The following RAD50 variants were observed in gnomAD, a reference collection of about 807,000 sequenced individuals.
RAD50 encodes the protein RAD50 double strand break repair protein.
In RAD50, 132 loss-of-function variants were observed where a neutral mutation model predicts 168.8. The ratio of observed to expected loss-of-function variants is 0.78; its 90% confidence interval spans 0.68 to 0.90. The LOEUF is 0.90. Ranked by LOEUF, RAD50 falls within the 40% of genes least tolerant of loss-of-function variation. The pLI is 0.00. For missense variants in RAD50, 1,347 were observed against 1,534.4 expected (o/e 0.88, Z 2.04); for synonymous variants, 525 against 497.4 (o/e 1.06, Z -0.74).
At position 132,644,160 on chromosome 5, in the gene RAD50, A is replaced by T. The variant is rs1751801601; in HGVS notation, c.*1796A>T. 2 of 182,410 alleles carry T rather than the reference A, an allele frequency of 1.1e-5. No individual in the cohort carries two copies. The highest frequency in any genetic ancestry group is 3.9e-4 in the South Asian group (2 of 5,102). The allele number at this position is 182,410 out of a possible 1,614,324, so 11.3% of individuals were successfully genotyped here. A position where few individuals can be genotyped will look rare whatever the true frequency, so the allele number is the denominator to read the frequency against. ...TCAATATAGGCAGTGAAACAAAAGT[A>T]TCATTTGCAAGTTAAAACAGACTTC... is the stretch of plus-strand genomic sequence containing the variant. On this transcript the variant is annotated 3_prime_UTR_variant, in exon 25 of 25. Coordinates refer to ENST00000378823, the MANE Select transcript of RAD50 (RefSeq NM_005732.4).
chr5:132,588,758 G>T lies in RAD50; in HGVS notation c.1123G>T (p.Ala375Ser), dbSNP rs1338084339. Residue 375 changes from alanine to serine, a missense_variant, in exon 8 of 25, where the codon GCA (alanine) becomes TCA (serine). Ala to Ser is a moderately conservative substitution (Grantham distance 99). Around this residue, in one of 3 missense-constraint regions of RAD50, gnomAD observed 703 missense variants for 767.7 expected, o/e 0.92. Coordinates refer to ENST00000378823, the MANE Select transcript of RAD50 (RefSeq NM_005732.4). ...TAGAGATTCATTAATTCAGTCTTTGGCAACACAGCTAGAATTGGATGGCTT... is the reference window on the plus strand; with the variant it reads ...TAGAGATTCATTAATTCAGTCTTTGTCAACACAGCTAGAATTGGATGGCTT... Reference protein sequence around the residue: ...RARDSLIQSLATQLELDGFER... With the variant: ...RARDSLIQSLSTQLELDGFER... 1 of 1,613,834 alleles carries T rather than the reference G, an allele frequency of 6.2e-7. No homozygotes were observed. Among genetic ancestry groups the T allele is most frequent in the East Asian group, 2.2e-5 (1 of 44,866 alleles).
intron 3 of RAD50, among the ~76,000 whole-genome samples, chr5:132,578,368 G>C (rs1261904489): frequency 6.6e-6 from 1 of 152,012 alleles, no homozygotes; most frequent in East Asian, 1.9e-4. Flanking sequence ...AATGTCTCTG[G>C]AATCTGTTTC....
intron 5 of RAD50, among the ~76,000 whole-genome samples, chr5:132,587,240 TA>T (rs1750609148): frequency 6.6e-6 from 1 of 152,244 alleles, no homozygotes; most frequent in South Asian, 2.1e-4. Flanking sequence ...ATTAAATAGT[TA>T]CCTTTTTAAG....
chr5:132,559,115 G>A (rs1162192257), intron 1 of RAD50, among the ~76,000 whole-genome samples, 169 bp from the exon 2 acceptor site: 1 of 152,058 alleles, frequency 6.6e-6, no homozygotes, highest in Non-Finnish European at 1.5e-5. Flanking sequence ...GCATTTCTGT[G>A]AACTTACAGC....
intron 5 of RAD50, among the ~76,000 whole-genome samples, chr5:132,582,958 A>G (rs1750528891): frequency 6.6e-6 from 1 of 152,206 alleles, no homozygotes; most frequent in Non-Finnish European, 1.5e-5. Flanking sequence ...TGAAGCAGGT[A>G]GAGATGTCAT....
At chr5:132,561,453 A>T (rs1272591342) in intron 2 of RAD50, among the ~76,000 whole-genome samples, 3 of 151,642 alleles carry the variant, frequency 2.0e-5, no homozygotes, top group Admixed American at 2.0e-4. Flanking sequence ...TCAGTCTCCC[A>T]AAGTGCTGGG....
At chr5:132,557,760 T>C (rs1750033163) in intron 1 of RAD50, among the ~76,000 whole-genome samples, 1 of 152,220 alleles carries the variant, frequency 6.6e-6, no homozygotes, top group African/African-American at 2.4e-5. Flanking sequence ...GTATTGATGT[T>C]TTTAACGCTG....
At chr5:132,619,821 T>TA (rs1273487762) in intron 21 of RAD50, among the ~76,000 whole-genome samples, 1 of 132,312 alleles carries the variant, frequency 7.6e-6, no homozygotes, top group Admixed American at 7.4e-5. Flanking sequence ...TACTCCTCTC[T>TA]CTCTCTCTCT....
chr5:132,557,433 C>T lies in RAD50; in HGVS notation c.109C>T (p.Pro37Ser), dbSNP rs876660763. Residue 37 changes from proline to serine, a missense_variant, in exon 1 of 25, where the codon CCC (proline) becomes TCC (serine). This residue lies in a region of RAD50 where 703 missense variants were observed against 767.7 expected (regional missense o/e 0.92). Transcript: ENST00000378823. Reference sequence around the variant, plus strand: ...CAGCCCCCTTACAATTTTGGTTGGACCCAATGGGGCGGGAAAGACGGTAAG... The same window carrying T: ...CAGCCCCCTTACAATTTTGGTTGGATCCAATGGGGCGGGAAAGACGGTAAG... The part of the protein sequence containing the change: ...FFSPLTILVG[P>S]NGAGKTTIIE... The T allele has an allele frequency of 1.9e-6, 3 of 1,614,176 alleles. No individual in the cohort carries two copies. The highest frequency in any genetic ancestry group is 2.5e-6 in the Non-Finnish European group (3 of 1,180,008).
intron 14 of RAD50, 77 bp from the exon 15 acceptor site, chr5:132,603,843 T>C: frequency 7.8e-7 from 1 of 1,289,200 alleles, no homozygotes; most frequent in Middle Eastern, 1.9e-4. Flanking sequence ...AAATAAATGA[T>C]AAGAGCAATT....
intron 20 of RAD50, 133 bp downstream of exon 20, chr5:132,616,263 T>A: frequency 1.2e-6 from 1 of 846,614 alleles, no homozygotes; most frequent in African/African-American, 1.7e-5. Flanking sequence ...AGGTGAACAG[T>A]GTTTTGATAC....
At chr5:132,595,490 A>T in intron 12 of RAD50, 83 bp from the exon 13 acceptor site, 2 of 829,666 alleles carry the variant, frequency 2.4e-6, no homozygotes, top group Non-Finnish European at 3.8e-6. Context: ...TCATATATTT[A>T]TAGAAAAAGA....
intron 21 of RAD50, chr5:132,630,996 A>G (rs1416525650): frequency 2.6e-5 from 4 of 152,176 alleles, no homozygotes; most frequent in African/African-American, 7.2e-5. Context: ...ATTTTTCCTC[A>G]TAAAATGCAA....
intron 5 of RAD50, among the ~76,000 whole-genome samples, chr5:132,586,289 A>G (rs1277755594): frequency 6.6e-6 from 1 of 152,196 alleles, no homozygotes; most frequent in East Asian, 1.9e-4. Flanking sequence ...AATCTTAACT[A>G]TACAATTTTG....
At chr5:132,608,781 T>C (rs1047780343) in intron 17 of RAD50, 56 bp downstream of exon 17, 3 of 1,532,838 alleles carry the variant, frequency 2.0e-6, no homozygotes, top group African/African-American at 1.4e-5. Context: ...CTTATGTTCA[T>C]AGCACCACGT....
At chr5:132,597,650 C>G (rs992961332) in intron 13 of RAD50, among the ~76,000 whole-genome samples, 3 of 152,172 alleles carry the variant, frequency 2.0e-5, no homozygotes, top group African/African-American at 7.2e-5. Context: ...TGACTGCAGT[C>G]CTGGCTGACA....
chr5:132,585,764 C>T (rs966521032), intron 5 of RAD50, among the ~76,000 whole-genome samples: 4 of 151,796 alleles, frequency 2.6e-5, no homozygotes, highest in Non-Finnish European at 5.9e-5. Flanking sequence ...CTCACCACAC[C>T]GGTGAGACTT....
chr5:132,611,591 A>G (rs1474374799), intron 19 of RAD50, among the ~76,000 whole-genome samples: 1 of 150,520 alleles, frequency 6.6e-6, no homozygotes, highest in East Asian at 2.0e-4. Context: ...CTGTAGTCCC[A>G]GCTACTCAGG....
intron 21 of RAD50, among the ~76,000 whole-genome samples, chr5:132,633,106 T>C (rs547884820): frequency 6.9e-6 from 1 of 145,876 alleles, no homozygotes; most frequent in East Asian, 1.9e-4. Flanking sequence ...TTCTTTTTTT[T>C]TTTTTTTTTT....
Sources: gnomAD v4.1 joint callset for allele counts (sites outside exome capture counted in the v4.1 genomes callset) on GRCh38, gnomAD v4.1.1 for gene constraint, gnomAD v4.1.1 regional missense constraint, MANE v1.5 for transcripts, NCBI Gene and HGNC (gene_info 2026-07-23, HGNC 2026-07-21) for gene names.